The following VWA5A variants were observed in gnomAD, a reference collection of about 807,000 sequenced individuals.
VWA5A encodes von Willebrand factor A domain-containing protein 5A.
VWA5A carries 77 observed loss-of-function variants against 84.6 expected under a neutral mutation model. That is an observed-to-expected ratio of 0.91 (90% confidence interval 0.76 to 1.10). VWA5A has a LOEUF of 1.10. VWA5A is among the 50% of genes least tolerant of loss of function. The pLI is 0.00. For synonymous variants in VWA5A, 334 were observed against 350.1 expected (o/e 0.95, Z 0.51); for missense variants, 973 against 963.0 (o/e 1.01, Z -0.14).
At chr11:124,115,706 G>C (rs1406112102) in intron 1 of VWA5A, 2 of 152,330 alleles carry the variant, frequency 1.3e-5, no homozygotes, top group African/African-American at 4.8e-5. Flanking sequence ...GAGGGATTTA[G>C]CCATCTCCTA....
intron 11 of VWA5A, among the ~76,000 whole-genome samples, chr11:124,127,539 G>T (rs1347485230): frequency 2.0e-5 from 3 of 152,154 alleles, no homozygotes; most frequent in Non-Finnish European, 2.9e-5. Context: ...CCAGTAATGG[G>T]ATTGCTGGGT....
intron 18 of VWA5A, among the ~76,000 whole-genome samples, 135 bp from the exon 19 acceptor site, chr11:124,145,713 AGAAGATTCAAGGAGAATC>A (rs1487915795): frequency 1.3e-5 from 2 of 152,186 alleles, no homozygotes. Context: ...CTGGGGCCAG[AGAAGATTCAAGGAGAATC>A]TGGGTAGCAA....
At position 124,124,360 on chromosome 11, in the gene VWA5A, GAC is replaced by G. The variant is rs762790501; in HGVS notation, c.1244+50_1244+51del. On this transcript the variant is annotated intron_variant, in intron 11 of 18. Coordinates refer to ENST00000456829, the MANE Select transcript of VWA5A (RefSeq NM_001130142.2). ...TTCCGGGTGATTGGTGCTGAGTAGT[GAC>G]ACACAGACTCTAGTGCTACATGATG... 3.6e-5 allele frequency: 58 copies of G among 1,604,654 alleles called. No homozygotes were observed. The Middle Eastern group carries it at 4.9e-4, about 14-fold the overall frequency.
At chr11:124,124,475 A>G (rs1393418370) in intron 11 of VWA5A, 159 bp downstream of exon 11, 11 of 1,373,910 alleles carry the variant, frequency 8.0e-6, no homozygotes, top group Non-Finnish European at 1.0e-5. Context: ...TAAACGTTAA[A>G]AACAGTTTTC....
rs370285848 is a variant in VWA5A, at chr11:124,115,459, C to A, written c.-154C>A. 4 of 152,164 alleles carry A rather than the reference C, an allele frequency of 2.6e-5. No homozygotes were observed. Among genetic ancestry groups the A allele is most frequent in the African/African-American group, 9.7e-5 (4 of 41,432 alleles). 9.4% of individuals were successfully genotyped at this position (152,164 alleles called of 1,614,324 possible). On this transcript the variant is annotated 5_prime_UTR_variant, in exon 1 of 19. Transcript: ENST00000456829. ...GTTTTCACTCCGCTGTGACTCAGAGCGCTCCGGGCTGCAGGAGAGGAAGGT... is the reference window on the plus strand; with the variant it reads ...GTTTTCACTCCGCTGTGACTCAGAGAGCTCCGGGCTGCAGGAGAGGAAGGT...
In VWA5A at chr11:124,145,790, G is replaced by A. The variant is rs573452709; in HGVS notation, c.2282-76G>A. ...AGGACAGATAAAAGCACAACTCAGG[G>A]TAGATGATCTGGGAGGTTTGGAGGA... On this transcript the variant is annotated intron_variant, in intron 18 of 18. Coordinates refer to ENST00000456829, the MANE Select transcript of VWA5A (RefSeq NM_001130142.2). 183 of 1,424,656 alleles carry A rather than the reference G, an allele frequency of 1.3e-4. No individual in the cohort carries two copies. The African/African-American group carries it at 2.5e-3, about 19-fold the overall frequency. 88.3% of individuals were successfully genotyped at this position (1,424,656 alleles called of 1,614,324 possible). A position where few individuals can be genotyped will look rare whatever the true frequency, so the allele number is the denominator to read the frequency against.
At chr11:124,126,208 T>C (rs1343917357) in intron 11 of VWA5A, among the ~76,000 whole-genome samples, 1 of 152,218 alleles carries the variant, frequency 6.6e-6, no homozygotes, top group Non-Finnish European at 1.5e-5. Flanking sequence ...AAGACTGTCT[T>C]GATTACACTT....
At chr11:124,141,509 T>G in intron 15 of VWA5A, 89 bp from the exon 16 acceptor site, 1 of 1,515,956 alleles carries the variant, frequency 6.6e-7, no homozygotes, top group Non-Finnish European at 9.0e-7. Context: ...CCAGTGTGGA[T>G]GGGGGGGTAT....
At chr11:124,137,326 C>T in intron 15 of VWA5A, 58 bp downstream of exon 15, 1 of 1,563,482 alleles carries the variant, frequency 6.4e-7, no homozygotes, top group South Asian at 1.2e-5. Context: ...ACTATCTGAG[C>T]ACATTATTTA....
chr11:124,117,372 A>G, intron 2 of VWA5A, 125 bp from the exon 3 acceptor site: 1 of 958,592 alleles, frequency 1.0e-6, no homozygotes, highest in Non-Finnish European at 1.6e-6. Context: ...TAAAGGTTCC[A>G]ACTTCCTAAC....
Position 124,117,864 on chromosome 11 carries a change from G to A in VWA5A, c.235G>A (p.Asp79Asn), listed in dbSNP as rs754893039. Residue 79 changes from aspartate to asparagine, a missense_variant, in exon 4 of 19, where the codon GAC becomes AAC. Asp to Asn is a conservative substitution (Grantham distance 23). Coordinates refer to ENST00000456829, the MANE Select transcript of VWA5A (RefSeq NM_001130142.2). Reference protein sequence around the residue: ...DGKKIVAELQDKMKARTNYEK... With the variant: ...DGKKIVAELQNKMKARTNYEK... ...GAAGAAAATTGTAGCAGAATTACAA[G>A]ACAAGATGAAGGTAGTAGAGATTAC... The A allele has an allele frequency of 5.0e-6, 8 of 1,614,040 alleles. No homozygotes were observed. The highest frequency in any genetic ancestry group is 6.8e-6 in the Non-Finnish European group (8 of 1,180,026).
intron 11 of VWA5A, among the ~76,000 whole-genome samples, chr11:124,133,766 T>G (rs1263902171): frequency 2.0e-5 from 3 of 152,242 alleles, no homozygotes; most frequent in Admixed American, 6.5e-5. Context: ...TAAAAGAGTA[T>G]ACTTAGGGAA....
In VWA5A at chr11:124,145,861, C is replaced by T. The variant is rs1000176817; in HGVS notation, c.2282-5C>T. On this transcript the variant is annotated splice_polypyrimidine_tract_variant and splice_region_variant and intron_variant, in intron 18 of 18. Coordinates refer to ENST00000456829, the MANE Select transcript of VWA5A (RefSeq NM_001130142.2). ...ATCCCTGCTTCTTGTTTTTCCTCAC[C>T]ACAGGCTCCACCATGCCTTCGGTTG... 2.2e-5 allele frequency: 35 copies of T among 1,573,486 alleles called. No homozygotes were observed. Among genetic ancestry groups the T allele is most frequent in the Admixed American group, 7.1e-5 (4 of 56,598 alleles).
chr11:124,124,167 C>T, intron 10 of VWA5A, 70 bp from the exon 11 acceptor site: 1 of 1,484,652 alleles, frequency 6.7e-7, no homozygotes. Context: ...GTGGATTTTT[C>T]AAGGGCAAAT....
intron 17 of VWA5A, among the ~76,000 whole-genome samples, chr11:124,144,313 T>C (rs1860779019): frequency 6.6e-6 from 1 of 152,144 alleles, no homozygotes; most frequent in Admixed American, 6.5e-5. Context: ...ACTACAACTG[T>C]GTGAATCAGA....
chr11:124,143,503 G>A (rs759414713), intron 17 of VWA5A, among the ~76,000 whole-genome samples: 5 of 152,120 alleles, frequency 3.3e-5, no homozygotes, highest in Non-Finnish European at 7.4e-5. Flanking sequence ...ATAGAGGTGT[G>A]CTATGGTGGG....
chr11:124,138,026 T>C (rs1304920295), intron 15 of VWA5A, among the ~76,000 whole-genome samples: 1 of 152,126 alleles, frequency 6.6e-6, no homozygotes, highest in Admixed American at 6.5e-5. Flanking sequence ...GCCCAGCTAA[T>C]TTTTTTGTAT....
At chr11:124,128,756 G>A (rs1446249896) in intron 11 of VWA5A, among the ~76,000 whole-genome samples, 1 of 152,160 alleles carries the variant, frequency 6.6e-6, no homozygotes, top group Non-Finnish European at 1.5e-5. Flanking sequence ...GTAAACGGGA[G>A]TTCTCTCATC....
chr11:124,132,428 C>T (rs1865110347), intron 11 of VWA5A, among the ~76,000 whole-genome samples: 1 of 151,826 alleles, frequency 6.6e-6, no homozygotes, highest in African/African-American at 2.4e-5. Context: ...GCCAGCAAAG[C>T]TCTCTTGGCC....
Sources: gnomAD v4.1 joint callset for allele counts (sites outside exome capture counted in the v4.1 genomes callset) on GRCh38, gnomAD v4.1.1 for gene constraint, MANE v1.5 for transcripts, NCBI Gene and HGNC (gene_info 2026-07-23, HGNC 2026-07-21) for gene names.